The following SUCLG2 variants were observed in gnomAD, a reference collection of about 807,000 sequenced individuals.
SUCLG2 encodes the protein succinate-CoA ligase GDP-forming subunit beta, also known as succinate--CoA ligase [GDP-forming] subunit beta, mitochondrial.
In SUCLG2, 42 loss-of-function variants were observed where a neutral mutation model predicts 47.9. The ratio of observed to expected loss-of-function variants is 0.88; its 90% CI spans 0.69 to 1.14. The LOEUF (loss-of-function observed/expected upper bound fraction) is 1.14. Ranked by LOEUF, SUCLG2 falls within the 50% of genes most tolerant of loss-of-function variation. The pLI, the probability that SUCLG2 is intolerant of heterozygous loss-of-function variation, is 0.00. For missense variants in SUCLG2, 571 were observed against 525.9 expected (o/e 1.09, Z -0.84); for synonymous variants, 195 against 197.3 (o/e 0.99, Z 0.10).
chr3:67,600,469 A>C (rs1191637513), intron 2 of SUCLG2, among the ~76,000 whole-genome samples: 1 of 152,172 alleles, frequency 6.6e-6, no homozygotes, highest in Non-Finnish European at 1.5e-5. Flanking sequence ...TAGTCAAGTA[A>C]ATTGTGGTTT....
intron 9 of SUCLG2, among the ~76,000 whole-genome samples, chr3:67,448,798 A>T (rs1703987927): frequency 6.6e-6 from 1 of 152,122 alleles, no homozygotes; most frequent in Non-Finnish European, 1.5e-5. Flanking sequence ...GCATGAAAAA[A>T]CACTATTTCT....
At chr3:67,513,065 T>C (rs1705842560) in intron 6 of SUCLG2, among the ~76,000 whole-genome samples, 1 of 150,964 alleles carries the variant, frequency 6.6e-6, no homozygotes, top group South Asian at 2.1e-4. Flanking sequence ...GATATGCATA[T>C]ATATACATAC....
At chr3:67,448,897 C>A (rs977614436) in intron 9 of SUCLG2, among the ~76,000 whole-genome samples, 1 of 151,342 alleles carries the variant, frequency 6.6e-6, no homozygotes, top group African/African-American at 2.4e-5. Flanking sequence ...ACTGTTGATT[C>A]TGGTAGTGAA....
chr3:67,579,289 T>G (rs1292318357), intron 2 of SUCLG2, among the ~76,000 whole-genome samples: 1 of 152,082 alleles, frequency 6.6e-6, no homozygotes, highest in Non-Finnish European at 1.5e-5. Context: ...GTAGAAGAAT[T>G]TAGAATGTCA....
chr3:67,470,210 GAC>G (rs1450612532), intron 9 of SUCLG2, among the ~76,000 whole-genome samples: 8 of 152,130 alleles, frequency 5.3e-5, no homozygotes, highest in African/African-American at 9.7e-5. Flanking sequence ...AAAAAAGAAT[GAC>G]ACAGTTCAAA....
At chr3:67,386,255 A>ATT (rs57016463) in intron 10 of SUCLG2, among the ~76,000 whole-genome samples, 1,482 of 143,376 alleles carry the variant, frequency 0.01, 17 homozygotes, top group African/African-American at 0.029. Context: ...CGCCCGGCTA[A>ATT]TTTTTTTTTT....
chr3:67,632,122 A>G (rs913022176), intron 1 of SUCLG2, among the ~76,000 whole-genome samples: 4 of 152,298 alleles, frequency 2.6e-5, no homozygotes, highest in East Asian at 1.9e-4. Context: ...ATTGAGCCAT[A>G]TATTATGTAC....
At chr3:67,462,199 C>A (rs923112142) in intron 9 of SUCLG2, among the ~76,000 whole-genome samples, 1 of 152,064 alleles carries the variant, frequency 6.6e-6, no homozygotes, top group Non-Finnish European at 1.5e-5. Flanking sequence ...CTCCTGCCTT[C>A]CTTTCACCTG....
At chr3:67,468,581 G>A (rs1483724925) in intron 9 of SUCLG2, among the ~76,000 whole-genome samples, 2 of 152,160 alleles carry the variant, frequency 1.3e-5, no homozygotes, top group Non-Finnish European at 2.9e-5. Context: ...GAGATCAGAT[G>A]GAATGTGAAG....
At chr3:67,470,613 G>T (rs1358640339) in intron 9 of SUCLG2, among the ~76,000 whole-genome samples, 1 of 152,140 alleles carries the variant, frequency 6.6e-6, no homozygotes, top group Non-Finnish European at 1.5e-5. Flanking sequence ...TTTTCTCTCT[G>T]TCTCATACAC....
chr3:67,524,381 C>A (rs2107137498), intron 4 of SUCLG2, among the ~76,000 whole-genome samples: 1 of 152,276 alleles, frequency 6.6e-6, no homozygotes, highest in African/African-American at 2.4e-5. Context: ...TGCTAGCGTA[C>A]AAACTATTTG....
chr3:67,462,121 T>C (rs897342084), intron 9 of SUCLG2, among the ~76,000 whole-genome samples: 1 of 152,168 alleles, frequency 6.6e-6, no homozygotes, highest in Admixed American at 6.5e-5. Flanking sequence ...TTTGTTATAA[T>C]GTTGGGGCAC....
chr3:67,588,753 C>G (rs146330104), intron 2 of SUCLG2, among the ~76,000 whole-genome samples: 1 of 152,246 alleles, frequency 6.6e-6, no homozygotes, highest in East Asian at 1.9e-4. Flanking sequence ...ATGTTTAAGT[C>G]TTCAAAATGT....
At chr3:67,565,295 A>T (rs1270909486) in intron 2 of SUCLG2, among the ~76,000 whole-genome samples, 1 of 152,190 alleles carries the variant, frequency 6.6e-6, no homozygotes, top group Non-Finnish European at 1.5e-5. Context: ...ATTTATATAG[A>T]GTTAGTAATA....
chr3:67,452,073 C>T (rs1241211452), intron 9 of SUCLG2, among the ~76,000 whole-genome samples: 1 of 152,164 alleles, frequency 6.6e-6, no homozygotes, highest in Non-Finnish European at 1.5e-5. Flanking sequence ...TTTGCCAAGC[C>T]TCACACCAGA....
intron 9 of SUCLG2, among the ~76,000 whole-genome samples, chr3:67,482,172 T>G (rs1370808432): frequency 6.6e-6 from 1 of 150,744 alleles, no homozygotes; most frequent in East Asian, 2.1e-4. Context: ...AGAGTGAGAC[T>G]ATCTCAATAA....
intron 2 of SUCLG2, among the ~76,000 whole-genome samples, chr3:67,591,723 A>G (rs1480290636): frequency 2.0e-5 from 3 of 152,230 alleles, no homozygotes; most frequent in Non-Finnish European, 4.4e-5. Flanking sequence ...TGTCTTCATC[A>G]GCAGCATAAA....
rs183706309 is a variant in SUCLG2, at chr3:67,448,087, G to A, written c.1063-47236C>T. Among the ~76,000 whole-genome samples the A allele has an allele frequency of 4.7e-3, 715 of 152,178 alleles. 5 individuals carry two copies. The highest frequency in any genetic ancestry group is 0.016 in the African/African-American group (664 of 41,518). On this transcript the variant is annotated intron_variant, in intron 9 of 10. Coordinates refer to ENST00000307227, the MANE Select transcript of SUCLG2 (RefSeq NM_003848.4). ...AAAATATTAATATGTTGCTTTAGCC[G>A]TTTTACTTCTAACAATTTATCAGAA...
At chr3:67,458,626 G>GT (rs1704248637) in intron 9 of SUCLG2, among the ~76,000 whole-genome samples, 1 of 152,108 alleles carries the variant, frequency 6.6e-6, no homozygotes, top group African/African-American at 2.4e-5. Context: ...TTATACAGTG[G>GT]TTTTCAACAC....
Sources: allele counts gnomAD v4.1 joint callset (sites outside exome capture counted in the v4.1 genomes callset), GRCh38; gene constraint gnomAD v4.1.1; transcripts MANE v1.5; gene names NCBI Gene and HGNC (gene_info 2026-07-23, HGNC 2026-07-21).